The following KCNQ5 variants were observed in gnomAD, a reference collection of about 807,000 sequenced individuals.
KCNQ5 encodes potassium voltage-gated channel subfamily Q member 5.
In KCNQ5, 30 loss-of-function variants were observed where a neutral mutation model predicts 98.2. The observed-to-expected ratio is 0.31, with a 90% CI of 0.23 to 0.41. The LOEUF (loss-of-function observed/expected upper bound fraction) is 0.41. Among genes scored for constraint, KCNQ5 ranks in the 10% least tolerant of loss-of-function variants. KCNQ5 has a pLI of 1.00. For missense variants in KCNQ5, 835 were observed against 1,182.5 expected (o/e 0.71, Z 4.31); for synonymous variants, 458 against 449.4 (o/e 1.02, Z -0.24).
At chr6:72,987,635 A>G in intron 1 of KCNQ5, 1 of 603,980 alleles carries the variant, frequency 1.7e-6, no homozygotes, top group South Asian at 1.6e-5. Context: ...CAGGACTGTG[A>G]CCGGGCCATG....
At chr6:73,152,320 G>A (rs573483422) in intron 10 of KCNQ5, among the ~76,000 whole-genome samples, 15 of 151,944 alleles carry the variant, frequency 9.9e-5, no homozygotes, top group Middle Eastern at 3.4e-3. Flanking sequence ...TACTGGCCCC[G>A]ATTTTCTTAT....
At chr6:72,770,635 G>A (rs190439897) in intron 1 of KCNQ5, among the ~76,000 whole-genome samples, 35 of 152,054 alleles carry the variant, frequency 2.3e-4, no homozygotes, top group Admixed American at 2.0e-3. Context: ...TATGTGTACC[G>A]ATTTTATTTT....
intron 1 of KCNQ5, among the ~76,000 whole-genome samples, chr6:72,706,281 G>C (rs1487390760): frequency 5.3e-5 from 8 of 151,796 alleles, no homozygotes; most frequent in Non-Finnish European, 2.9e-5. Flanking sequence ...TTCTGAAGTG[G>C]AAAGGATGTT....
At chr6:73,048,770 TG>T (rs1214165819) in intron 3 of KCNQ5, among the ~76,000 whole-genome samples, 6 of 152,218 alleles carry the variant, frequency 3.9e-5, no homozygotes, top group Non-Finnish European at 7.3e-5. Flanking sequence ...AATTTTACAT[TG>T]TTTTTTAAAA....
rs982843641 is a variant in KCNQ5 at position 73,127,403 on chromosome 6, A to G, written c.1247+2891A>G. 3.3e-5 allele frequency among the ~76,000 whole-genome samples: 5 copies of G among 152,166 alleles called. No individual in the cohort carries two copies. In the South Asian group the frequency reaches 1.0e-3, roughly 32 times the overall value. On this transcript the variant is annotated intron_variant, in intron 9 of 13. Coordinates refer to ENST00000370398, the MANE Select transcript of KCNQ5 (RefSeq NM_019842.4). Reference sequence around the variant, plus strand: ...TTCACCTTTTAGCCCAGAGCTTGGAATCTCCTAAGTCCTTCTTCATGGTTT... The same window carrying G: ...TTCACCTTTTAGCCCAGAGCTTGGAGTCTCCTAAGTCCTTCTTCATGGTTT...
At chr6:73,185,601 A>G (rs906176362) in intron 11 of KCNQ5, among the ~76,000 whole-genome samples, 2 of 152,228 alleles carry the variant, frequency 1.3e-5, no homozygotes, top group South Asian at 2.1e-4. Flanking sequence ...GGACCTACAC[A>G]TACTTTATTG....
rs1220228092 is a variant in KCNQ5, at chr6:72,622,932, C to T, written c.398+345C>T. On this transcript the variant is annotated intron_variant, in intron 1 of 13. Transcript: ENST00000370398. This position sits in a 1 kb window ranked among gnomAD's most constrained non-coding sequence, Gnocchi z 6.0. ...GTAAACTTCAACCGAACGGGGCGCC[C>T]GGGAGCTAGGGAATGCAAAGGGAGG... 2.0e-5 allele frequency among the ~76,000 whole-genome samples: 3 copies of T among 152,022 alleles called. No individual in the cohort carries two copies. The highest frequency in any genetic ancestry group is 6.5e-5 in the Admixed American group (1 of 15,268).
At chr6:72,842,893 G>T (rs1350049775) in intron 1 of KCNQ5, among the ~76,000 whole-genome samples, 1 of 152,150 alleles carries the variant, frequency 6.6e-6, no homozygotes, top group African/African-American at 2.4e-5. Flanking sequence ...TTAGCCCTTT[G>T]TTAGATGGAT....
chr6:72,640,737 G>A (rs1181793532), intron 1 of KCNQ5: 3 of 152,084 alleles, frequency 2.0e-5, no homozygotes, highest in Non-Finnish European at 2.9e-5. Flanking sequence ...TTTTTAGATG[G>A]GAAAACAGCC....
intron 1 of KCNQ5, among the ~76,000 whole-genome samples, chr6:72,941,360 T>TC (rs1562082141): frequency 1.2e-4 from 5 of 40,400 alleles, no homozygotes; most frequent in South Asian, 4.3e-3. Flanking sequence ...TTCCTTCTTT[T>TC]CTTCCTTCCT....
At chr6:73,148,978 G>A (rs1175115461) in intron 10 of KCNQ5, among the ~76,000 whole-genome samples, 1 of 152,180 alleles carries the variant, frequency 6.6e-6, no homozygotes, top group Non-Finnish European at 1.5e-5. Flanking sequence ...GTGGGTGATG[G>A]TTTTAAACAT....
intron 1 of KCNQ5, among the ~76,000 whole-genome samples, chr6:72,859,056 C>T (rs1415586028): frequency 6.6e-6 from 1 of 152,080 alleles, no homozygotes; most frequent in African/African-American, 2.4e-5. Flanking sequence ...AGTTTTCATC[C>T]TTATTCAGAT....
intron 1 of KCNQ5, among the ~76,000 whole-genome samples, chr6:72,648,641 AG>A (rs1765722373): frequency 6.6e-6 from 1 of 151,898 alleles, no homozygotes; most frequent in African/African-American, 2.4e-5. Flanking sequence ...TTAAATATGG[AG>A]GGGGAAAAAG....
At chr6:73,153,732 G>C (rs1777241988) in intron 10 of KCNQ5, among the ~76,000 whole-genome samples, 2 of 151,772 alleles carry the variant, frequency 1.3e-5, no homozygotes, top group African/African-American at 2.4e-5. Context: ...TACTGCATTT[G>C]AATGTGTCCT....
At chr6:72,776,304 GT>G (rs1274577965) in intron 1 of KCNQ5, among the ~76,000 whole-genome samples, 3 of 152,148 alleles carry the variant, frequency 2.0e-5, no homozygotes, top group Admixed American at 1.3e-4. Flanking sequence ...ATTATTCTTT[GT>G]TTTTTCTACA....
intron 7 of KCNQ5, among the ~76,000 whole-genome samples, chr6:73,112,063 C>T (rs1237907492): frequency 6.6e-6 from 1 of 152,116 alleles, no homozygotes; most frequent in Non-Finnish European, 1.5e-5. Context: ...AAAAGGAATG[C>T]TTCTCCTTTT....
chr6:72,977,409 G>A (rs189934258), intron 1 of KCNQ5, among the ~76,000 whole-genome samples: 10 of 152,310 alleles, frequency 6.6e-5, no homozygotes, highest in Admixed American at 5.2e-4. Flanking sequence ...CTGCCTAGAA[G>A]GTCTATCTGG....
chr6:72,921,303 G>A (rs1780385262), intron 1 of KCNQ5, among the ~76,000 whole-genome samples: 1 of 152,158 alleles, frequency 6.6e-6, no homozygotes, highest in Non-Finnish European at 1.5e-5. Flanking sequence ...AGAACCAGAT[G>A]TTCAAAATAT....
At chr6:72,765,216 G>C (rs1772505302) in intron 1 of KCNQ5, among the ~76,000 whole-genome samples, 1 of 151,966 alleles carries the variant, frequency 6.6e-6, no homozygotes, top group Non-Finnish European at 1.5e-5. Context: ...CATAGTGGTT[G>C]TACTAATTTA....
Sources: allele counts gnomAD v4.1 joint callset (sites outside exome capture counted in the v4.1 genomes callset), GRCh38; gene constraint gnomAD v4.1.1; non-coding constraint Gnocchi (gnomAD v3.1); transcripts MANE v1.5; gene names NCBI Gene and HGNC (gene_info 2026-07-23, HGNC 2026-07-21).